The following STAMBP variants were observed in gnomAD, a reference collection of about 807,000 sequenced individuals.
STAMBP encodes the protein STAM-binding protein.
A neutral mutation model predicts 50.7 loss-of-function variants in STAMBP; 31 were observed. That is an observed-to-expected ratio of 0.61 (90% confidence interval 0.46 to 0.83). The LOEUF (loss-of-function observed/expected upper bound fraction) is 0.83. Ranked by LOEUF, STAMBP falls within the 40% of genes least tolerant of loss-of-function variation. The pLI is 0.00. For missense variants in STAMBP, 472 were observed against 518.9 expected, an observed-to-expected ratio of 0.91 and a Z score of 0.88; for synonymous variants, 211 against 192.4, an observed-to-expected ratio of 1.10 and a Z score of -0.80.
At chr2:73,872,569 T>C (rs1679242729) in intron 10 of STAMBP, among the ~76,000 whole-genome samples, 1 of 152,222 alleles carries the variant, frequency 6.6e-6, no homozygotes, top group Admixed American at 6.5e-5. Context: ...AGCCCTACTC[T>C]CACAGTGCAA....
rs1017873380 is a variant in STAMBP at position 73,864,214 on chromosome 2, A to G, written c.*1955A>G. ...CTGCATTGGTCTTTGATACCTAAGA[A>G]TTGTGAGCTCTCTTATCCGTCTCTG... On this transcript the variant is annotated 3_prime_UTR_variant, in exon 10 of 10. Transcript: ENST00000394070. The G allele has an allele frequency of 6.6e-6, 1 of 152,208 alleles. No homozygotes were observed. Among genetic ancestry groups the G allele is most frequent in the African/African-American group, 2.4e-5 (1 of 41,432 alleles). The allele number at this position is 152,208 out of a possible 1,614,324, so 9.4% of individuals were successfully genotyped here.
intron 2 of STAMBP, among the ~76,000 whole-genome samples, chr2:73,843,998 T>C (rs945481613): frequency 6.6e-6 from 1 of 152,260 alleles, no homozygotes; most frequent in Non-Finnish European, 1.5e-5. Flanking sequence ...GTTAAAAGAA[T>C]AGGCTCTGGA....
At position 73,845,156 on chromosome 2, in the gene STAMBP, T is replaced by C. The variant is rs1434098095; in HGVS notation, c.280-11T>C. ...CATTGTTCTAATTCTATTTTCTGTT[T>C]TGTGTCTCAGAAATTAAAGGAGATT... On this transcript the variant is annotated splice_polypyrimidine_tract_variant and intron_variant, in intron 3 of 9. Transcript: ENST00000394070. 4.3e-6 allele frequency: 7 copies of C among 1,612,170 alleles called. No homozygotes were observed.
chr2:73,853,031 A>C (rs1677068096), intron 7 of STAMBP, among the ~76,000 whole-genome samples: 1 of 151,708 alleles, frequency 6.6e-6, no homozygotes, highest in Admixed American at 6.6e-5. Context: ...CCTCGTGATT[A>C]TAGGCATGAG....
At chr2:73,859,129 C>T (rs2104675726) in intron 7 of STAMBP, 125 bp from the exon 8 acceptor site, 1 of 691,418 alleles carries the variant, frequency 1.4e-6, no homozygotes, top group Non-Finnish European at 2.6e-6. Context: ...AGTATGTTAT[C>T]GTATGTAATA....
chr2:73,838,387 T>G (rs1456276012), intron 2 of STAMBP, among the ~76,000 whole-genome samples: 1 of 152,096 alleles, frequency 6.6e-6, no homozygotes, highest in African/African-American at 2.4e-5. Flanking sequence ...AGACAACTCT[T>G]TGGAGAAGTT....
Position 73,845,326 on chromosome 2 carries a change from A to G in STAMBP, c.375+64A>G. The G allele has an allele frequency of 3.6e-6, 4 of 1,126,284 alleles. No homozygotes were observed. The South Asian group carries it at 4.0e-5, about 11-fold the overall frequency. The allele number at this position is 1,126,284 out of a possible 1,614,324, so 69.8% of individuals were successfully genotyped here. A position where few individuals can be genotyped will look rare whatever the true frequency, so the allele number is the denominator to read the frequency against. The stretch of plus-strand genomic sequence containing the variant: ...TTTTAGGCTGTGCCCTGGGATTGTA[A>G]TATGACATTTCAATATATCCTGTGC... On this transcript the variant is annotated intron_variant, in intron 4 of 9. Transcript: ENST00000394070.
intron 7 of STAMBP, among the ~76,000 whole-genome samples, chr2:73,851,911 A>T (rs1191062327): frequency 6.6e-6 from 1 of 152,150 alleles, no homozygotes; most frequent in Non-Finnish European, 1.5e-5. Context: ...AAGTGCTGGG[A>T]TTACAGGCAT....
At chr2:73,839,914 C>T (rs1675165983) in intron 2 of STAMBP, among the ~76,000 whole-genome samples, 1 of 152,226 alleles carries the variant, frequency 6.6e-6, no homozygotes, top group African/African-American at 2.4e-5. Flanking sequence ...GCTATTCCAT[C>T]TGCCTGGAAC....
chr2:73,830,276 A>G (rs888574973), intron 1 of STAMBP, among the ~76,000 whole-genome samples: 2 of 152,248 alleles, frequency 1.3e-5, no homozygotes, highest in African/African-American at 4.8e-5. Flanking sequence ...CAGAGTTACA[A>G]TTATGAGCAT....
chr2:73,852,782 A>T (rs1676999640), intron 7 of STAMBP, among the ~76,000 whole-genome samples: 1 of 148,370 alleles, frequency 6.7e-6, no homozygotes, highest in Non-Finnish European at 1.5e-5. Flanking sequence ...GGTTCAAGTG[A>T]TTCTCCTGCC....
At chr2:73,872,930 C>T (rs534280173) in intron 10 of STAMBP, among the ~76,000 whole-genome samples, 1 of 152,046 alleles carries the variant, frequency 6.6e-6, no homozygotes, top group East Asian at 1.9e-4. Flanking sequence ...GTGGATGGGC[C>T]GTAGGATGTA....
intron 9 of STAMBP, chr2:73,860,720 C>T (rs180922565): frequency 5.3e-6 from 1 of 188,284 alleles, no homozygotes; most frequent in East Asian, 1.9e-4. Flanking sequence ...AGTATGTTTC[C>T]ATTTGCCCCT....
In STAMBP at chr2:73,861,686, A is replaced by ATT. The variant is rs954145238; in HGVS notation, c.1219-496_1219-495dup. The stretch of plus-strand genomic sequence containing the variant: ...GGTGCGCGCCGCCACACCGGGTTAA[A>ATT]TTTTTTTTTTTTTTTTTTTTTTAGT... On this transcript the variant is annotated intron_variant, in intron 9 of 9. Coordinates refer to ENST00000394070, the MANE Select transcript of STAMBP (RefSeq NM_213622.4). Among the ~76,000 whole-genome samples, 562 of 126,636 alleles carry ATT rather than the reference A, an allele frequency of 4.4e-3. 4 individuals are homozygous for ATT. Among genetic ancestry groups the ATT allele is most frequent in the African/African-American group, 0.016 (534 of 32,368 alleles). The allele number at this position is 126,636 out of a possible 152,430, so 83.1% of individuals were successfully genotyped here.
In STAMBP at chr2:73,862,432, A is replaced by T; in HGVS notation, c.*173A>T. 1 of 469,268 alleles carries T rather than the reference A, an allele frequency of 2.1e-6. No individual in the cohort carries two copies. The highest frequency in any genetic ancestry group is 3.7e-6 in the Non-Finnish European group (1 of 269,194). The allele number at this position is 469,268 out of a possible 1,614,324, so 29.1% of individuals were successfully genotyped here. On this transcript the variant is annotated 3_prime_UTR_variant, in exon 10 of 10. Transcript: ENST00000394070. ...GGTTTGAAAAGAAATAACTGAACATATTTTTTAGGCAAGTCAGAAAGAGAA... is the reference window on the plus strand; with the variant it reads ...GGTTTGAAAAGAAATAACTGAACATTTTTTTTAGGCAAGTCAGAAAGAGAA...
chr2:73,858,101 A>G (rs7566009), intron 7 of STAMBP, among the ~76,000 whole-genome samples: 60,054 of 148,592 alleles, frequency 0.4, 14,964 homozygotes, highest in African/African-American at 0.71. Flanking sequence ...TCCTGCCTCA[A>G]CCTCCTAAGT....
chr2:73,832,460 C>CAA (rs76931812), intron 2 of STAMBP, among the ~76,000 whole-genome samples: 9 of 122,668 alleles, frequency 7.3e-5, no homozygotes, highest in African/African-American at 1.8e-4. Context: ...GAGACTGTTT[C>CAA]AAAAAAAAAA....
Position 73,865,236 on chromosome 2 carries a change from G to A in STAMBP, c.*2977G>A, listed in dbSNP as rs1678764166. On this transcript the variant is annotated 3_prime_UTR_variant, in exon 10 of 10. Coordinates refer to ENST00000394070, the MANE Select transcript of STAMBP (RefSeq NM_213622.4). ...GCAAAGCTTTAATGAGTGAAAGTCT[G>A]GTGAATCCTGCAATTTTGATATGTT... 1 of 152,210 alleles carries A rather than the reference G, an allele frequency of 6.6e-6. No individual in the cohort carries two copies. The highest frequency in any genetic ancestry group is 1.5e-5 in the Non-Finnish European group (1 of 68,040). 9.4% of individuals were successfully genotyped at this position (152,210 alleles called of 1,614,324 possible).
At position 73,858,769 on chromosome 2, in the gene STAMBP, G is replaced by A. The variant is rs886785202; in HGVS notation, c.1006-485G>A. 4.6e-5 allele frequency among the ~76,000 whole-genome samples: 7 copies of A among 152,320 alleles called. No individual in the cohort carries two copies. The South Asian group carries it at 8.3e-4, about 18-fold the overall frequency. ...CTTCCTTACTTATTAGGAACCTCAG[G>A]TGGACCTCTCATGGTTGCAGATGGC... On this transcript the variant is annotated intron_variant, in intron 7 of 9. Transcript: ENST00000394070.
Sources: allele counts gnomAD v4.1 joint callset (sites outside exome capture counted in the v4.1 genomes callset), GRCh38; gene constraint gnomAD v4.1.1; transcripts MANE v1.5; gene names NCBI Gene and HGNC (gene_info 2026-07-23, HGNC 2026-07-21).